Variants in RBFOX1 observed in about 807,000 individuals in gnomAD.
The protein encoded by RBFOX1 is RNA binding protein fox-1 homolog 1.
In RBFOX1, 8 loss-of-function variants were observed where a neutral mutation model predicts 57.7. That is an observed-to-expected ratio of 0.14 (90% CI 0.08 to 0.25). The LOEUF is 0.25. Among genes scored for constraint, RBFOX1 ranks in the 10% least tolerant of loss-of-function variants. The pLI is 1.00. For missense variants in RBFOX1, 611 were observed against 548.5 expected (o/e 1.11, Z -1.14); for synonymous variants, 326 against 222.4 (o/e 1.47, Z -4.15).
chr16:7,165,419 C>T (rs1003153015), intron 4 of RBFOX1, among the ~76,000 whole-genome samples: 2 of 48,424 alleles, frequency 4.1e-5, no homozygotes, highest in Admixed American at 2.3e-4. Flanking sequence ...TGATAATAAT[C>T]ATTATTATTA....
intron 3 of RBFOX1, among the ~76,000 whole-genome samples, chr16:6,897,826 G>A (rs2067330428): frequency 6.6e-6 from 1 of 152,050 alleles, no homozygotes; most frequent in Non-Finnish European, 1.5e-5. Context: ...CCTTAACATG[G>A]ATTACAGAGC....
chr16:6,284,887 G>A (rs2076743704), intron 1 of RBFOX1, among the ~76,000 whole-genome samples: 1 of 152,196 alleles, frequency 6.6e-6, no homozygotes, highest in African/African-American at 2.4e-5. Flanking sequence ...ATTAACTGCA[G>A]TTTGTGAAAT....
chr16:5,582,702 C>T (rs961578037), intron 2 of RBFOX1, among the ~76,000 whole-genome samples: 4 of 152,058 alleles, frequency 2.6e-5, no homozygotes, highest in Non-Finnish European at 5.9e-5. Context: ...AGGCATGAGC[C>T]ATCACACCCA....
chr16:7,157,870 C>T (rs780196365), intron 4 of RBFOX1, among the ~76,000 whole-genome samples: 2 of 152,176 alleles, frequency 1.3e-5, no homozygotes, highest in Non-Finnish European at 2.9e-5. Context: ...AAATATATTT[C>T]AGCTTCTCTG....
intron 4 of RBFOX1, chr16:7,304,386 G>A (rs1476265159): frequency 3.0e-6 from 3 of 985,238 alleles, no homozygotes; most frequent in Non-Finnish European, 3.6e-6. Flanking sequence ...AGAGAGACAT[G>A]ATGCAGCATC....
chr16:5,918,998 G>T (rs1244353313), intron 4 of RBFOX1, among the ~76,000 whole-genome samples: 1 of 152,192 alleles, frequency 6.6e-6, no homozygotes, highest in Non-Finnish European at 1.5e-5. Context: ...GGAGCCTGGG[G>T]CTGTGACCAT....
chr16:6,655,487 G>C (rs1382178965), intron 3 of RBFOX1, among the ~76,000 whole-genome samples: 1 of 151,156 alleles, frequency 6.6e-6, no homozygotes, highest in Non-Finnish European at 1.5e-5. Context: ...GGGGTAGGGG[G>C]CAATGCCATT....
intron 4 of RBFOX1, among the ~76,000 whole-genome samples, chr16:7,099,680 C>T (rs140481103): frequency 1.3e-5 from 2 of 152,178 alleles, no homozygotes; most frequent in African/African-American, 4.8e-5. Context: ...TCAATCAATA[C>T]ATGTAAGATT....
intron 4 of RBFOX1, among the ~76,000 whole-genome samples, chr16:7,444,500 G>A (rs2098793612): frequency 6.6e-6 from 1 of 152,132 alleles, no homozygotes; most frequent in Non-Finnish European, 1.5e-5. Context: ...AAGATGTTCT[G>A]CAAAAATTCC....
intron 4 of RBFOX1, among the ~76,000 whole-genome samples, chr16:7,467,498 G>C (rs1175162554): frequency 6.6e-6 from 1 of 152,192 alleles, no homozygotes. Flanking sequence ...GAATGTTAGA[G>C]AGGGCAGTAT....
chr16:6,195,469 G>A (rs1052605893), intron 1 of RBFOX1, among the ~76,000 whole-genome samples: 5 of 152,170 alleles, frequency 3.3e-5, no homozygotes, highest in African/African-American at 1.2e-4. Context: ...TGTAATTCCA[G>A]GACTTTGAGA....
chr16:6,940,554 C>A (rs1195225425), intron 3 of RBFOX1, among the ~76,000 whole-genome samples: 2 of 152,144 alleles, frequency 1.3e-5, no homozygotes, highest in Non-Finnish European at 2.9e-5. Context: ...AATTCATCCT[C>A]TTGGAGAGAA....
At chr16:5,526,442 C>A (rs527279023) in intron 2 of RBFOX1, among the ~76,000 whole-genome samples, 1 of 152,156 alleles carries the variant, frequency 6.6e-6, no homozygotes, top group African/African-American at 2.4e-5. Flanking sequence ...CTGTGTGCCA[C>A]CATGTCCGGC....
chr16:7,281,089 G>C (rs1224462207), intron 4 of RBFOX1, among the ~76,000 whole-genome samples: 2 of 150,868 alleles, frequency 1.3e-5, no homozygotes, highest in Non-Finnish European at 2.9e-5. Flanking sequence ...TGCAACCTCT[G>C]CCTCCTGGGT....
chr16:5,456,055 A>T (rs1449794750), intron 1 of RBFOX1, among the ~76,000 whole-genome samples: 1 of 152,172 alleles, frequency 6.6e-6, no homozygotes, highest in East Asian at 1.9e-4. Flanking sequence ...AATGGAGTAA[A>T]ATACACAAGA....
chr16:7,178,570 A>G (rs559524581), intron 4 of RBFOX1, among the ~76,000 whole-genome samples: 3 of 152,310 alleles, frequency 2.0e-5, no homozygotes, highest in East Asian at 1.9e-4. Flanking sequence ...ATTTATGGGT[A>G]TATTTCTGTT....
At chr16:7,591,036 G>T (rs560486407) in intron 7 of RBFOX1, among the ~76,000 whole-genome samples, 4 of 152,246 alleles carry the variant, frequency 2.6e-5, no homozygotes, top group African/African-American at 9.6e-5. Context: ...GACTGCAGTA[G>T]CCTGTGCTGT....
At chr16:5,674,184 A>G (rs1273204959) in intron 3 of RBFOX1, among the ~76,000 whole-genome samples, 1 of 152,252 alleles carries the variant, frequency 6.6e-6, no homozygotes, top group Non-Finnish European at 1.5e-5. Context: ...TTAAGAAGAA[A>G]TTACAGGTAT....
chr16:5,832,910 G>A (rs1339398513), intron 3 of RBFOX1, among the ~76,000 whole-genome samples: 1 of 152,140 alleles, frequency 6.6e-6, no homozygotes, highest in Admixed American at 6.5e-5. Context: ...GACTTCTTGG[G>A]TATCCCCAGG....
Sources: gnomAD v4.1 joint callset for allele counts (sites outside exome capture counted in the v4.1 genomes callset) on GRCh38, gnomAD v4.1.1 for gene constraint, MANE v1.5 for transcripts, NCBI Gene and HGNC (gene_info 2026-07-23, HGNC 2026-07-21) for gene names.